Variants in TPTE observed in about 807,000 individuals in gnomAD.
TPTE encodes putative tyrosine-protein phosphatase TPTE.
A neutral mutation model predicts 84.1 loss-of-function variants in TPTE; 59 were observed. That is an observed-to-expected ratio of 0.70 (90% CI 0.57 to 0.87). TPTE has a LOEUF of 0.87. TPTE is among the 40% of genes least tolerant of loss of function. TPTE has a pLI of 0.00. For synonymous variants in TPTE, 130 were observed against 223.5 expected (o/e 0.58, Z 3.73); for missense variants, 382 against 659.6 (o/e 0.58, Z 4.61).
chr21:10,524,988 G>A (rs1164429307), intron 2 of TPTE, among the ~76,000 whole-genome samples: 1 of 152,308 alleles, frequency 6.6e-6, no homozygotes, highest in Non-Finnish European at 1.5e-5. Flanking sequence ...TTTAGGCAGT[G>A]TGATAATATG....
At chr21:10,599,553 T>G (rs1670892538) in intron 21 of TPTE, among the ~76,000 whole-genome samples, 1 of 152,312 alleles carries the variant, frequency 6.6e-6, no homozygotes, top group South Asian at 2.1e-4. Flanking sequence ...TATATAAAGT[T>G]TCTTTGTAAA....
At chr21:10,560,706 T>C (rs1271844312) in intron 9 of TPTE, among the ~76,000 whole-genome samples, 1 of 152,312 alleles carries the variant, frequency 6.6e-6, no homozygotes, top group African/African-American at 2.4e-5. Flanking sequence ...AATTCGCAAA[T>C]TTTAAGAAGA....
intron 1 of TPTE, among the ~76,000 whole-genome samples, chr21:10,524,351 CT>C (rs1409077442): frequency 3.3e-5 from 5 of 152,312 alleles, no homozygotes; most frequent in Non-Finnish European, 7.3e-5. Context: ...TTCCTTTCCC[CT>C]CCCAGGGACC....
chr21:10,539,140 C>T (rs1295856572), intron 4 of TPTE, among the ~76,000 whole-genome samples: 1 of 152,308 alleles, frequency 6.6e-6, no homozygotes, highest in African/African-American at 2.4e-5. Context: ...TTAAAGGACT[C>T]AGATTTCCTG....
intron 21 of TPTE, among the ~76,000 whole-genome samples, chr21:10,600,404 G>T (rs867778081): frequency 6.6e-6 from 1 of 152,426 alleles, no homozygotes; most frequent in African/African-American, 2.4e-5. Flanking sequence ...CTACCAAAGT[G>T]CTAGGATTAC....
chr21:10,561,957 C>G (rs1204277774), intron 10 of TPTE, among the ~76,000 whole-genome samples: 1 of 152,308 alleles, frequency 6.6e-6, no homozygotes, highest in Non-Finnish European at 1.5e-5. Flanking sequence ...GGCCTCAGGT[C>G]TGACCCAATG....
At chr21:10,558,936 C>G (rs1205199735) in intron 8 of TPTE, among the ~76,000 whole-genome samples, 21 of 152,300 alleles carry the variant, frequency 1.4e-4, no homozygotes, top group Admixed American at 6.5e-5. Flanking sequence ...TCGGGTGTTT[C>G]TCCTTTGAAG....
chr21:10,553,173 T>C (rs1442293047), intron 8 of TPTE, among the ~76,000 whole-genome samples: 3 of 152,424 alleles, frequency 2.0e-5, no homozygotes, highest in South Asian at 2.1e-4. Flanking sequence ...TTTATTCTTA[T>C]TTGTTTCTAA....
chr21:10,547,687 G>T (rs1019980210), intron 7 of TPTE, among the ~76,000 whole-genome samples: 10 of 152,422 alleles, frequency 6.6e-5, no homozygotes, highest in African/African-American at 2.2e-4. Context: ...TAGCCACTGT[G>T]CCTCTCCAGC....
intron 3 of TPTE, among the ~76,000 whole-genome samples, chr21:10,530,471 GT>G (rs1447800211): frequency 1.3e-5 from 2 of 152,304 alleles, no homozygotes; most frequent in African/African-American, 2.4e-5. Flanking sequence ...CATTTTGTTA[GT>G]TTTTTGCATA....
At chr21:10,524,014 T>C (rs1376125149) in intron 1 of TPTE, among the ~76,000 whole-genome samples, 1 of 152,310 alleles carries the variant, frequency 6.6e-6, no homozygotes, top group Admixed American at 6.5e-5. Flanking sequence ...TGTTTTTAAG[T>C]CTGTGCAGTC....
At chr21:10,602,280 A>C in intron 22 of TPTE, 130 bp downstream of exon 22, 1 of 1,175,232 alleles carries the variant, frequency 8.5e-7, no homozygotes, top group Admixed American at 1.9e-5. Context: ...GATCTATAAC[A>C]AATTTTTTTA....
chr21:10,555,718 CTA>C (rs1176663149), intron 8 of TPTE, among the ~76,000 whole-genome samples: 6 of 152,408 alleles, frequency 3.9e-5, no homozygotes, highest in African/African-American at 7.2e-5. Flanking sequence ...GTAAATTTGT[CTA>C]TGTTTTGCTA....
At chr21:10,560,428 C>T (rs1259227803) in intron 9 of TPTE, among the ~76,000 whole-genome samples, 1 of 152,310 alleles carries the variant, frequency 6.6e-6, no homozygotes, top group Non-Finnish European at 1.5e-5. Context: ...ATAGTCTAAT[C>T]AATTTATGGA....
At chr21:10,527,118 C>CT (rs1165697330) in intron 2 of TPTE, among the ~76,000 whole-genome samples, 1 of 152,260 alleles carries the variant, frequency 6.6e-6, no homozygotes, top group Non-Finnish European at 1.5e-5. Context: ...CATTTTCTTT[C>CT]TTTTTTCTGT....
chr21:10,560,782 T>C (rs1022030037), intron 9 of TPTE, among the ~76,000 whole-genome samples: 3 of 152,426 alleles, frequency 2.0e-5, no homozygotes, highest in East Asian at 1.9e-4. Flanking sequence ...TGGTCTGATG[T>C]GTTTACTATA....
At chr21:10,527,735 G>C (rs1221561865) in intron 3 of TPTE, among the ~76,000 whole-genome samples, 5 of 152,426 alleles carry the variant, frequency 3.3e-5, no homozygotes, top group East Asian at 3.9e-4. Context: ...AGCAAGAAAG[G>C]AGCTAAGAGA....
chr21:10,524,136 A>T (rs769547180), intron 1 of TPTE, among the ~76,000 whole-genome samples: 1 of 152,420 alleles, frequency 6.6e-6, no homozygotes, highest in Admixed American at 6.5e-5. Context: ...CTTATTCTCA[A>T]TAGGAGGTAA....
chr21:10,530,438 T>C (rs1181286048), intron 3 of TPTE, among the ~76,000 whole-genome samples: 15 of 152,308 alleles, frequency 9.8e-5, no homozygotes, highest in African/African-American at 3.6e-4. Flanking sequence ...TTAAATTTAC[T>C]TAAATGGTAT....
Sources: gnomAD v4.1 joint callset for allele counts (sites outside exome capture counted in the v4.1 genomes callset) on GRCh38, gnomAD v4.1.1 for gene constraint, MANE v1.5 for transcripts, NCBI Gene and HGNC (gene_info 2026-07-23, HGNC 2026-07-21) for gene names.